INPPL1: variants seen among roughly 807,000 people sequenced by gnomAD.
The protein encoded by INPPL1 is phosphatidylinositol 3,4,5-trisphosphate 5-phosphatase 2.
A neutral mutation model predicts 139.3 loss-of-function variants in INPPL1; 91 were observed. The observed-to-expected ratio is 0.65, with a 90% CI of 0.55 to 0.78. The LOEUF (loss-of-function observed/expected upper bound fraction) is 0.78. Ranked by LOEUF, INPPL1 falls within the 30% of genes least tolerant of loss-of-function variation. The pLI is 0.00. For synonymous variants in INPPL1, 719 were observed against 686.6 expected (o/e 1.05, Z -0.74); for missense variants, 1,411 against 1,665.6 (o/e 0.85, Z 2.66).
At position 72,238,430 on chromosome 11, in the gene INPPL1, A is replaced by C. The variant is rs369999566; in HGVS notation, c.*77A>C. On this transcript the variant is annotated 3_prime_UTR_variant, in exon 28 of 28. Coordinates refer to ENST00000298229, the MANE Select transcript of INPPL1 (RefSeq NM_001567.4). ...GCCCAGCTATGGCCCCAGGGTTGAA[A>C]AGTTATGAGGGTCAGGGCAGTATCT... is the stretch of plus-strand genomic sequence containing the variant. 129 of 1,283,554 alleles carry C rather than the reference A, an allele frequency of 1.0e-4. 2 individuals carry two copies. In the Middle Eastern group the frequency reaches 1.4e-3, roughly 14 times the overall value. 79.5% of individuals were successfully genotyped at this position (1,283,554 alleles called of 1,614,324 possible). A position where few individuals can be genotyped will look rare whatever the true frequency, so the allele number is the denominator to read the frequency against.
chr11:72,229,772 T>G lies in INPPL1; in HGVS notation c.843+20T>G. ...AAGAAGGTGGCATGATCTCTGACCC[T>G]TGACCCCCGATTCACTGGCCACTGT... On this transcript the variant is annotated intron_variant, in intron 7 of 27. Coordinates refer to ENST00000298229, the MANE Select transcript of INPPL1 (RefSeq NM_001567.4). 1 of 1,608,222 alleles carries G rather than the reference T, an allele frequency of 6.2e-7. No homozygotes were observed.
intron 10 of INPPL1, 110 bp from the exon 11 acceptor site, chr11:72,230,686 G>T (rs933004693): frequency 2.5e-4 from 236 of 944,314 alleles, no homozygotes; most frequent in Admixed American, 1.4e-3. Context: ...ATGCAGTGGA[G>T]AACCAGACAG....
rs1273181324 is a variant in INPPL1 at position 72,237,716 on chromosome 11, C to T, written c.3472C>T (p.Leu1158=). Residue 1158 remains leucine, a synonymous_variant, in exon 26 of 28, where the codon CTG becomes TTG. Transcript: ENST00000298229. Reference sequence around the variant, plus strand: ...CCTGGAGCTGCAGCCCCCCCGGGGACTGCCCTCGGACTATGGCCGGCCCCT... The same window carrying T: ...CCTGGAGCTGCAGCCCCCCCGGGGATTGCCCTCGGACTATGGCCGGCCCCT... ...GPLELQPPRG[L]PSDYGRPLSF... 1.9e-6 allele frequency: 3 copies of T among 1,611,620 alleles called. No individual in the cohort carries two copies. The highest frequency in any genetic ancestry group is 1.6e-4 in the Middle Eastern group (1 of 6,070).
Position 72,230,478 on chromosome 11 carries a change from A to G in INPPL1, c.1197+10A>G. 6.2e-7 allele frequency: 1 copy of G among 1,612,322 alleles called. No homozygotes were observed. Among genetic ancestry groups the G allele is most frequent in the African/African-American group, 1.3e-5 (1 of 75,016 alleles). On this transcript the variant is annotated intron_variant, in intron 10 of 27. Transcript: ENST00000298229. ...CTTTGTCAGTGCCCGGGTGAGCAGC[A>G]GGCTGGGCCAGGCCACTGGGGACTG... is the stretch of plus-strand genomic sequence containing the variant.
In INPPL1 at chr11:72,234,855, C is replaced by G. The variant is rs928982474; in HGVS notation, c.2415+240C>G. 6.6e-6 allele frequency among the ~76,000 whole-genome samples: 1 copy of G among 151,824 alleles called. No individual in the cohort carries two copies. Among genetic ancestry groups the G allele is most frequent in the South Asian group, 2.1e-4 (1 of 4,826 alleles). On this transcript the variant is annotated intron_variant, in intron 21 of 27. Transcript: ENST00000298229. This position sits in a 1 kb window ranked among gnomAD's most constrained non-coding sequence, Gnocchi z 4.2. ...AGTTTGTTCATTCATTCAGGAGATG[C>G]TTCTTGAGCTTTTGCTAGATGTCAG...
At position 72,229,198 on chromosome 11, in the gene INPPL1, T is replaced by C. The variant is rs1198261851; in HGVS notation, c.627T>C (p.Arg209=). The change falls in exon 5 of 28, where the codon CGT becomes CGC. Residue 209 remains arginine, a synonymous_variant. Coordinates refer to ENST00000298229, the MANE Select transcript of INPPL1 (RefSeq NM_001567.4). ...GGASHLPHLT[R]TLATSCRRLH... The stretch of plus-strand genomic sequence containing the variant: ...CCAGCCACCTGCCCCACCTCACCCG[T>C]ACCCTCGCTACCTCATGCCGGAGGC... The C allele has an allele frequency of 2.5e-6, 4 of 1,612,834 alleles. No homozygotes were observed. In the South Asian group the frequency reaches 4.4e-5, roughly 18 times the overall value.
intron 1 of INPPL1, 191 bp downstream of exon 1, chr11:72,225,357 G>C (rs1277482581): frequency 1.0e-6 from 1 of 985,328 alleles, no homozygotes. Flanking sequence ...CTGTGTGTCT[G>C]GGGGCACTTT....
At chr11:72,237,019 G>T in intron 25 of INPPL1, 105 bp from the exon 26 acceptor site, 1 of 983,992 alleles carries the variant, frequency 1.0e-6, no homozygotes, top group Non-Finnish European at 1.5e-6. Flanking sequence ...GAAAGTCTAG[G>T]ACCAGGGGAC....
At chr11:72,225,726 C>A (rs1038270204) in intron 1 of INPPL1, among the ~76,000 whole-genome samples, 7 of 152,116 alleles carry the variant, frequency 4.6e-5, no homozygotes, top group Admixed American at 1.3e-4. Context: ...TGGGACCTTG[C>A]CATTATTTCT....
chr11:72,232,555 T>A, intron 14 of INPPL1, 71 bp from the exon 15 acceptor site: 2 of 1,564,660 alleles, frequency 1.3e-6, no homozygotes, highest in Admixed American at 1.7e-5. Flanking sequence ...TTCTTCCCTT[T>A]ATGCCTATCC....
chr11:72,235,511 G>A lies in INPPL1; in HGVS notation c.2659+60G>A. 4 of 1,583,864 alleles carry A rather than the reference G, an allele frequency of 2.5e-6. No homozygotes were observed. Among genetic ancestry groups the A allele is most frequent in the Non-Finnish European group, 3.4e-6 (4 of 1,162,748 alleles). ...GTGAACAGATCAAGGAGGGCAGGGTGCGGGGGGCATGTTGGAATCTCTGGG... is the reference window on the plus strand; with the variant it reads ...GTGAACAGATCAAGGAGGGCAGGGTACGGGGGGCATGTTGGAATCTCTGGG... On this transcript the variant is annotated intron_variant, in intron 23 of 27. Coordinates refer to ENST00000298229, the MANE Select transcript of INPPL1 (RefSeq NM_001567.4). This position sits in a 1 kb window ranked among gnomAD's most constrained non-coding sequence, Gnocchi z 4.9.
chr11:72,225,010 G>C lies in INPPL1; in HGVS notation c.26G>C (p.Gly9Ala), dbSNP rs1239738293. Residue 9 changes from glycine (G) to alanine (A), a missense_variant, in exon 1 of 28, where the codon GGC (glycine) becomes GCC (alanine). Physicochemically the swap from Gly to Ala is moderately conservative, Grantham distance 60. Coordinates refer to ENST00000298229, the MANE Select transcript of INPPL1 (RefSeq NM_001567.4). MASACGAP[G>A]PGGALGSQAP... is the part of the protein sequence containing the mutation. The stretch of plus-strand genomic sequence containing the variant: ...ATGGCCTCGGCCTGCGGGGCGCCGG[G>C]CCCGGGGGGCGCCCTGGGCAGCCAG... 3 of 1,210,240 alleles carry C rather than the reference G, an allele frequency of 2.5e-6. No individual in the cohort carries two copies. In the East Asian group the frequency reaches 1.0e-4, roughly 41 times the overall value. 75.0% of individuals were successfully genotyped at this position (1,210,240 alleles called of 1,614,324 possible). A position where few individuals can be genotyped will look rare whatever the true frequency, so the allele number is the denominator to read the frequency against.
rs781782374 is a variant in INPPL1 at position 72,235,824 on chromosome 11, C to T, written c.2739-22C>T. ...GCATCTGGTCAACCCCACTTCATCT[C>T]TCTCCTGTGCATCCCTGGCAGGTCA... is the stretch of plus-strand genomic sequence containing the variant. On this transcript the variant is annotated intron_variant, in intron 24 of 27. Transcript: ENST00000298229. The surrounding 1 kb of genome is among the most constrained non-coding windows in gnomAD (Gnocchi z 4.9). 4 of 1,612,732 alleles carry T rather than the reference C, an allele frequency of 2.5e-6. No individual in the cohort carries two copies. The highest frequency in any genetic ancestry group is 3.4e-6 in the Non-Finnish European group (4 of 1,179,428).
At chr11:72,232,592 T>C (rs758930791) in intron 14 of INPPL1, 34 bp from the exon 15 acceptor site, 3 of 1,607,874 alleles carry the variant, frequency 1.9e-6, no homozygotes, top group Middle Eastern at 1.7e-4. Flanking sequence ...ACCCTGGGGA[T>C]CTACCCCTCC....
chr11:72,224,136 T>C (rs1195514941), upstream of INPPL1, among the ~76,000 whole-genome samples: 1 of 151,968 alleles, frequency 6.6e-6, no homozygotes, highest in Non-Finnish European at 1.5e-5. Context: ...TGGGAGGGGC[T>C]GCGTGAGAGG....
At chr11:72,231,445 A>C in intron 12 of INPPL1, 53 bp from the exon 13 acceptor site, 3 of 1,352,986 alleles carry the variant, frequency 2.2e-6, no homozygotes, top group Non-Finnish European at 3.2e-6. Flanking sequence ...TGCAGGGGGA[A>C]ATGCAGGCAG....
intron 1 of INPPL1, among the ~76,000 whole-genome samples, chr11:72,225,814 A>G (rs543889706): frequency 6.6e-6 from 1 of 152,262 alleles, no homozygotes; most frequent in Admixed American, 6.5e-5. Context: ...CTGAGCTATG[A>G]GTGCTGAGTG....
Position 72,235,131 on chromosome 11 carries a change from G to A in INPPL1, c.2431G>A (p.Ala811Thr), listed in dbSNP as rs770027983. 3.1e-6 allele frequency: 5 copies of A among 1,613,950 alleles called. No homozygotes were observed. The Admixed American group carries it at 8.3e-5, about 27-fold the overall frequency. The part of the protein sequence containing the change: ...RQLPTLKPIL[A>T]DIEYLQDQHL... Reference sequence around the variant, plus strand: ...TGCTTCCCAGCTCAAACCAATTCTGGCTGATATCGAGTACCTGCAGGACCA... The same window carrying A: ...TGCTTCCCAGCTCAAACCAATTCTGACTGATATCGAGTACCTGCAGGACCA... The change falls in exon 22 of 28, where the codon GCT (alanine) becomes ACT (threonine). Residue 811 changes from alanine to threonine, a missense_variant. Transcript: ENST00000298229. The surrounding 1 kb of genome is among the most constrained non-coding windows in gnomAD (Gnocchi z 4.9).
Position 72,229,935 on chromosome 11 carries a change from C to A in INPPL1, c.855C>A (p.Ala285=). ...CTTGTTCCCTCCAGGCCCTGAAGGC[C>A]CTACAGGACATGAGCTCCACAGCAC... ...LSGIQKKALK[A]LQDMSSTAPP... is the part of the protein sequence containing the mutation. The change falls in exon 8 of 28, where the codon GCC becomes GCA. Residue 285 remains alanine (A), a synonymous_variant. Transcript: ENST00000298229. The A allele has an allele frequency of 6.2e-7, 1 of 1,614,158 alleles. No individual in the cohort carries two copies. Among genetic ancestry groups the A allele is most frequent in the African/African-American group, 1.3e-5 (1 of 75,060 alleles).
Sources: gnomAD v4.1 joint callset for allele counts (sites outside exome capture counted in the v4.1 genomes callset) on GRCh38, gnomAD v4.1.1 for gene constraint, Gnocchi (gnomAD v3.1) non-coding constraint, MANE v1.5 for transcripts, NCBI Gene and HGNC (gene_info 2026-07-23, HGNC 2026-07-21) for gene names.